Variants in ERCC3 observed in about 807,000 individuals in gnomAD.
The protein encoded by ERCC3 is general transcription and DNA repair factor IIH helicase/translocase subunit XPB.
In ERCC3, 66 loss-of-function variants were observed where a neutral mutation model predicts 94.2. That is an observed-to-expected ratio of 0.70 (90% CI 0.57 to 0.86). The LOEUF (loss-of-function observed/expected upper bound fraction) is 0.86, where lower values mean the gene tolerates loss of function less well. Ranked by LOEUF, ERCC3 falls within the 40% of genes least tolerant of loss-of-function variation. The pLI is 0.00. For missense variants in ERCC3, 829 were observed against 987.1 expected (o/e 0.84, Z 2.15); for synonymous variants, 349 against 369.1 (o/e 0.95, Z 0.63).
At chr2:127,289,233 G>A in intron 6 of ERCC3, 104 bp downstream of exon 6, 1 of 1,004,564 alleles carries the variant, frequency 1.0e-6, no homozygotes, top group Non-Finnish European at 1.6e-6. Flanking sequence ...GACCAACAGG[G>A]ACTCCTTCCT....
Position 127,271,313 on chromosome 2 carries a change from CAGA to C in ERCC3, c.1945+20_1945+22del. 1 of 1,525,946 alleles carries C rather than the reference CAGA, an allele frequency of 6.6e-7. No individual in the cohort carries two copies. The highest frequency in any genetic ancestry group is 1.1e-5 in the South Asian group (1 of 89,278). The allele number at this position is 1,525,946 out of a possible 1,614,324, so 94.5% of individuals were successfully genotyped here. On this transcript the variant is annotated intron_variant, in intron 12 of 14. Transcript: ENST00000285398. This position sits in a 1 kb window ranked among gnomAD's most constrained non-coding sequence, Gnocchi z 5.0. ...GTTTAAGAGGAGTGACCTCCTGCAA[CAGA>C]AGATGAAAGGCCACTTTACCTTTTT...
rs182878517 is a variant in ERCC3 at position 127,274,833 on chromosome 2, G to C, written c.1731-1872C>G. 1.6e-3 allele frequency among the ~76,000 whole-genome samples: 245 copies of C among 152,234 alleles called. 3 individuals carry two copies. The highest frequency in any genetic ancestry group is 0.015 in the Admixed American group (232 of 15,278). On this transcript the variant is annotated intron_variant, in intron 10 of 14. Transcript: ENST00000285398. The surrounding 1 kb of genome is among the most constrained non-coding windows in gnomAD (Gnocchi z 4.0). ...AAGGTTCCCCCACACAGATGAAATA[G>C]AAGGAAAAGCACCCTCCAAGTGGAG...
rs2104771372 is a variant in ERCC3, at chr2:127,286,902, C to G, written c.1143G>C (p.Trp381Cys). 1 of 1,614,220 alleles carries G rather than the reference C, an allele frequency of 6.2e-7. No individual in the cohort carries two copies. The highest frequency in any genetic ancestry group is 8.5e-7 in the Non-Finnish European group (1 of 1,180,032). Residue 381 changes from tryptophan to cysteine, a missense_variant, in exon 8 of 15, where the codon TGG becomes TGC. Physicochemically the swap from Trp to Cys is radical, Grantham distance 215 (BLOSUM62 -2). Coordinates refer to ENST00000285398, the MANE Select transcript of ERCC3 (RefSeq NM_000122.2). ...AGATCTGGCTGTCGTCAATGGTGGA[C>G]CACATCTTGAACTGGGCTTTCCACT... ...VEQWKAQFKM[W>C]STIDDSQICR...
chr2:127,290,419 G>A, intron 3 of ERCC3, 146 bp from the exon 4 acceptor site: 1 of 729,204 alleles, frequency 1.4e-6, no homozygotes, highest in Admixed American at 2.0e-5. Context: ...GTGGTCAGAT[G>A]TGCCTAAACT....
chr2:127,273,697 C>T (rs1684640529), intron 10 of ERCC3, among the ~76,000 whole-genome samples: 2 of 132,378 alleles, frequency 1.5e-5, no homozygotes, highest in Non-Finnish European at 3.1e-5. Flanking sequence ...TGTGGTGAGC[C>T]GAGATCGCGC....
Position 127,292,591 on chromosome 2 carries a change from G to T in ERCC3, c.471+19C>A. ...CATTAGCAGGGCAGGTGGAATTGCT[G>T]GTCTCAGCTGTCACTTGCCTTAATA... On this transcript the variant is annotated intron_variant, in intron 3 of 14. Coordinates refer to ENST00000285398, the MANE Select transcript of ERCC3 (RefSeq NM_000122.2). The T allele has an allele frequency of 6.7e-7, 1 of 1,493,422 alleles. No individual in the cohort carries two copies. Among genetic ancestry groups the T allele is most frequent in the Non-Finnish European group, 9.3e-7 (1 of 1,070,680 alleles). The allele number at this position is 1,493,422 out of a possible 1,614,324, so 92.5% of individuals were successfully genotyped here.
At chr2:127,269,929 G>A (rs1360774762) in intron 12 of ERCC3, among the ~76,000 whole-genome samples, 1 of 152,054 alleles carries the variant, frequency 6.6e-6, no homozygotes, top group Non-Finnish European at 1.5e-5. Flanking sequence ...TGAGGCAGGT[G>A]AATCACACTT....
intron 7 of ERCC3, 41 bp downstream of exon 7, chr2:127,288,619 C>T (rs1685158986): frequency 6.4e-7 from 1 of 1,555,618 alleles, no homozygotes; most frequent in East Asian, 2.2e-5. Context: ...CAGATCCAGA[C>T]ACAACAGCCT....
At position 127,294,089 on chromosome 2, in the gene ERCC3, ACAG is replaced by A; in HGVS notation, c.-11_-9del. On this transcript the variant is annotated 5_prime_UTR_variant, in exon 1 of 15. Transcript: ENST00000285398. ...TCGGTCTCTTTTGCCCATGGCAGCT[ACAG>A]CAGCAGAGAGAAGATGACCCCGCTC... 5 of 1,607,448 alleles carry A rather than the reference ACAG, an allele frequency of 3.1e-6. No homozygotes were observed. Among genetic ancestry groups the A allele is most frequent in the Non-Finnish European group, 4.2e-6 (5 of 1,179,490 alleles).
rs1326722130 is a variant in ERCC3, at chr2:127,271,946, CCA to C, written c.1828-495_1828-494del. Among the ~76,000 whole-genome samples, 2 of 151,726 alleles carry C rather than the reference CCA, an allele frequency of 1.3e-5. No homozygotes were observed. ...GGGCTCCAAACATCGAGGTTCCCAG[CCA>C]CAGACATGAAGGTTTGGTGCTTATA... On this transcript the variant is annotated intron_variant, in intron 11 of 14. Coordinates refer to ENST00000285398, the MANE Select transcript of ERCC3 (RefSeq NM_000122.2). The surrounding 1 kb of genome is among the most constrained non-coding windows in gnomAD (Gnocchi z 5.0).
intron 3 of ERCC3, chr2:127,290,781 A>C: frequency 1.6e-5 from 3 of 186,970 alleles, no homozygotes; most frequent in South Asian, 2.1e-4. Flanking sequence ...GTGTGGCAAC[A>C]ATAAAAATTT....
chr2:127,283,850 T>C (rs1018980354), intron 8 of ERCC3, among the ~76,000 whole-genome samples: 1 of 152,246 alleles, frequency 6.6e-6, no homozygotes, highest in African/African-American at 2.4e-5. Context: ...TTTTGACATA[T>C]GTATATCCTT....
chr2:127,268,605 C>T (rs1684454712), intron 12 of ERCC3, among the ~76,000 whole-genome samples: 3 of 152,212 alleles, frequency 2.0e-5, no homozygotes, highest in Admixed American at 2.0e-4. Context: ...AAACAGTCCC[C>T]CAATCTCTTC....
chr2:127,288,794 C>T lies in ERCC3; in HGVS notation c.893G>A (p.Arg298Gln), dbSNP rs369840433. The T allele has an allele frequency of 5.6e-6, 9 of 1,613,854 alleles. No homozygotes were observed. Among genetic ancestry groups the T allele is most frequent in the African/African-American group, 2.7e-5 (2 of 74,890 alleles). ...GATATCAGGGTTGACAGAATCATTC[C>T]GGAAGTCATATTCTGCCAACAGAGG... ...EYPLLAEYDF[R>Q]NDSVNPDINI... is the part of the protein sequence containing the mutation. Residue 298 changes from arginine to glutamine, a missense_variant, in exon 7 of 15, where the codon CGG becomes CAG. By Grantham distance (43) the Arg-to-Gln change is conservative. Coordinates refer to ENST00000285398, the MANE Select transcript of ERCC3 (RefSeq NM_000122.2).
rs760905451 is a variant in ERCC3 at position 127,279,419 on chromosome 2, A to C, written c.1528-44T>G. On this transcript the variant is annotated intron_variant, in intron 9 of 14. Coordinates refer to ENST00000285398, the MANE Select transcript of ERCC3 (RefSeq NM_000122.2). This position sits in a 1 kb window ranked among gnomAD's most constrained non-coding sequence, Gnocchi z 4.7. ...CAGGGGTCATTTTACAAGTTTAAAC[A>C]CCACACAATTTAAAACTTTTGAAGA... The C allele has an allele frequency of 1.2e-5, 17 of 1,441,670 alleles. No individual in the cohort carries two copies. In the Admixed American group the frequency reaches 2.7e-4, roughly 23 times the overall value. 89.3% of individuals were successfully genotyped at this position (1,441,670 alleles called of 1,614,324 possible).
chr2:127,274,007 T>C lies in ERCC3; in HGVS notation c.1731-1046A>G, dbSNP rs1347436335. Among the ~76,000 whole-genome samples the C allele has an allele frequency of 6.7e-6, 1 of 150,092 alleles. No individual in the cohort carries two copies. Among genetic ancestry groups the C allele is most frequent in the East Asian group, 2.0e-4 (1 of 5,010 alleles). On this transcript the variant is annotated intron_variant, in intron 10 of 14. Transcript: ENST00000285398. This position sits in a 1 kb window ranked among gnomAD's most constrained non-coding sequence, Gnocchi z 4.0. ...TACCAACACCAGGCATTGAGCTGAG[T>C]ATTACATTAAAAAAAAAAAAATCCA...
chr2:127,285,843 G>A (rs970239845), intron 8 of ERCC3, among the ~76,000 whole-genome samples: 2 of 151,334 alleles, frequency 1.3e-5, no homozygotes, highest in African/African-American at 4.9e-5. Context: ...AAAGCAAGAT[G>A]CCATCTCAAA....
chr2:127,275,456 A>T (rs541083362), intron 10 of ERCC3, among the ~76,000 whole-genome samples: 1 of 152,356 alleles, frequency 6.6e-6, no homozygotes, highest in African/African-American at 2.4e-5. Context: ...CACAGGAGAC[A>T]GCCACAATCT....
chr2:127,275,331 G>A lies in ERCC3; in HGVS notation c.1731-2370C>T, dbSNP rs80345856. Among the ~76,000 whole-genome samples the A allele has an allele frequency of 4.3e-3, 649 of 152,118 alleles. 2 individuals are homozygous for A. The highest frequency in any genetic ancestry group is 0.015 in the African/African-American group (607 of 41,462). On this transcript the variant is annotated intron_variant, in intron 10 of 14. Transcript: ENST00000285398. ...AGGCATGAGCCACTGCGCCTGGCCC[G>A]CAGGATCATTTTAGAAGCGAGAAAA...
Sources: allele counts gnomAD v4.1 joint callset (sites outside exome capture counted in the v4.1 genomes callset), GRCh38; gene constraint gnomAD v4.1.1; non-coding constraint Gnocchi (gnomAD v3.1); transcripts MANE v1.5; gene names NCBI Gene and HGNC (gene_info 2026-07-23, HGNC 2026-07-21).